PPP2R5C: variants seen among roughly 807,000 people sequenced by gnomAD.
PPP2R5C encodes the protein serine/threonine-protein phosphatase 2A 56 kDa regulatory subunit gamma isoform.
Under a neutral mutation model 68.9 loss-of-function variants are expected in PPP2R5C, and 7 were observed. The ratio of observed to expected loss-of-function variants is 0.10; its 90% CI spans 0.06 to 0.19. The LOEUF is 0.19. Ranked by LOEUF, PPP2R5C falls within the 10% of genes least tolerant of loss-of-function variation. The pLI is 1.00. For synonymous variants in PPP2R5C, 210 were observed against 222.2 expected (o/e 0.95, Z 0.49); for missense variants, 348 against 641.3 (o/e 0.54, Z 4.94).
intron 2 of PPP2R5C, among the ~76,000 whole-genome samples, chr14:101,773,415 G>C (rs1198888347): frequency 1.3e-5 from 2 of 152,008 alleles, no homozygotes; most frequent in East Asian, 3.9e-4. Context: ...CCAAGCAGAT[G>C]ACATGAAAAG....
intron 1 of PPP2R5C, among the ~76,000 whole-genome samples, chr14:101,850,970 G>A (rs889716060): frequency 1.3e-5 from 2 of 152,154 alleles, no homozygotes; most frequent in Non-Finnish European, 2.9e-5. Context: ...TACTCGTTTT[G>A]TACTAAGAAT....
intron 3 of PPP2R5C, among the ~76,000 whole-genome samples, chr14:101,793,025 G>C (rs946701614): frequency 2.6e-5 from 4 of 151,988 alleles, no homozygotes; most frequent in Non-Finnish European, 5.9e-5. Context: ...TTACAGGCGT[G>C]TGCCACCATG....
intron 13 of PPP2R5C, among the ~76,000 whole-genome samples, chr14:101,923,956 T>C (rs2047149593): frequency 6.6e-6 from 1 of 152,268 alleles, no homozygotes; most frequent in Admixed American, 6.5e-5. Context: ...ACTTAAATTT[T>C]GTCTGCTAGA....
intron 1 of PPP2R5C, among the ~76,000 whole-genome samples, chr14:101,845,024 T>C (rs559170898): frequency 1.3e-5 from 2 of 152,190 alleles, no homozygotes; most frequent in Non-Finnish European, 2.9e-5. Flanking sequence ...CCCAAGGCTT[T>C]CTAGAACTAG....
upstream of PPP2R5C, among the ~76,000 whole-genome samples, chr14:101,761,505 A>G (rs1595090639): frequency 7.8e-6 from 1 of 127,590 alleles, no homozygotes; most frequent in African/African-American, 3.0e-5. Flanking sequence ...GGGTGGGGGG[A>G]GCGGGGAGCG....
At chr14:101,883,340 T>C in exon 4 of PPP2R5C, 2 of 1,603,580 alleles carry the variant, frequency 1.2e-6, no homozygotes, top group Non-Finnish European at 1.7e-6. Flanking sequence ...ATCAGAAGTT[T>C]GTATTGCAGG....
In PPP2R5C at chr14:101,916,700, GC is replaced by G. The variant is rs1215845981; in HGVS notation, c.1327-1130del. Among the ~76,000 whole-genome samples, 4 of 150,796 alleles carry G rather than the reference GC, an allele frequency of 2.7e-5. No homozygotes were observed. On this transcript the variant is annotated intron_variant, in intron 12 of 13. Transcript: ENST00000334743. This position sits in a 1 kb window ranked among gnomAD's most constrained non-coding sequence, Gnocchi z 5.5. ...GCTCTGGGCTGGCAGGGTGTGAGGG[GC>G]AGGGGTGAGGGGGCAGGGGGTGAGA...
At chr14:101,836,159 T>C (rs2041082705) in intron 1 of PPP2R5C, 1 of 689,494 alleles carries the variant, frequency 1.5e-6, no homozygotes, top group African/African-American at 1.8e-5. Flanking sequence ...AAAGGTTTTT[T>C]TTTTTGCAGT....
At chr14:101,892,350 G>T (rs2448233) in intron 6 of PPP2R5C, among the ~76,000 whole-genome samples, 48,108 of 143,686 alleles carry the variant, frequency 0.33, 11,937 homozygotes, top group African/African-American at 0.71. Context: ...CAGCAAGAAT[G>T]CCTACCAGAT....
chr14:101,919,304 A>C (rs1242559918), intron 13 of PPP2R5C, among the ~76,000 whole-genome samples: 1 of 152,270 alleles, frequency 6.6e-6, no homozygotes. Context: ...AATACAGTGG[A>C]AAAGCTCACT....
chr14:101,839,443 A>C (rs1279350018), intron 1 of PPP2R5C: 1 of 152,038 alleles, frequency 6.6e-6, no homozygotes, highest in Non-Finnish European at 1.5e-5. Context: ...ACTTCCTGCC[A>C]GTCCTCTTCT....
intron 2 of PPP2R5C, among the ~76,000 whole-genome samples, chr14:101,871,791 A>G (rs1301981197): frequency 6.6e-6 from 1 of 151,872 alleles, no homozygotes; most frequent in African/African-American, 2.4e-5. Context: ...TTTGATTTTA[A>G]TTGTTAGTCT....
chr14:101,811,086 C>G (rs1297100598), intron 1 of PPP2R5C, among the ~76,000 whole-genome samples: 6 of 152,102 alleles, frequency 3.9e-5, no homozygotes, highest in Non-Finnish European at 8.8e-5. Context: ...TTTTCAGATC[C>G]TAGGGTGTAC....
intron 1 of PPP2R5C, among the ~76,000 whole-genome samples, chr14:101,823,435 C>G (rs1026617765): frequency 2.0e-5 from 3 of 152,168 alleles, no homozygotes; most frequent in African/African-American, 7.2e-5. Context: ...AACAAGAATC[C>G]TAGAAGACCA....
intron 3 of PPP2R5C, among the ~76,000 whole-genome samples, chr14:101,801,657 A>G (rs886510830): frequency 6.6e-6 from 1 of 152,252 alleles, no homozygotes; most frequent in Non-Finnish European, 1.5e-5. Context: ...GCACACTGCA[A>G]ACTATGAAAT....
At chr14:101,918,814 T>G (rs1361366735) in intron 13 of PPP2R5C, among the ~76,000 whole-genome samples, 2 of 148,954 alleles carry the variant, frequency 1.3e-5, no homozygotes, top group Non-Finnish European at 3.0e-5. Context: ...CTGCCGTGTT[T>G]CCCTGAGCGT....
intron 3 of PPP2R5C, among the ~76,000 whole-genome samples, chr14:101,794,392 G>A (rs2038512596): frequency 6.6e-6 from 1 of 152,174 alleles, no homozygotes; most frequent in South Asian, 2.1e-4. Context: ...AGAAACAGCT[G>A]TTGACTTTAT....
At position 101,879,553 on chromosome 14, in the gene PPP2R5C, G is replaced by A. The variant is rs990766763; in HGVS notation, c.295-2608G>A. Among the ~76,000 whole-genome samples, 1 of 152,180 alleles carries A rather than the reference G, an allele frequency of 6.6e-6. No homozygotes were observed. The highest frequency in any genetic ancestry group is 2.4e-5 in the African/African-American group (1 of 41,436). ...TTCCCAGAGTCTCCTGCCAGGCATA[G>A]TCCTGTTCACAGATTCCTCTGCCAC... On this transcript the variant is annotated intron_variant, in intron 2 of 13. Coordinates refer to ENST00000334743, the Ensembl canonical transcript of PPP2R5C. This position sits in a 1 kb window ranked among gnomAD's most constrained non-coding sequence, Gnocchi z 4.2.
intron 2 of PPP2R5C, among the ~76,000 whole-genome samples, chr14:101,862,437 CAG>C (rs975828903): frequency 1.3e-5 from 2 of 152,326 alleles, no homozygotes; most frequent in African/African-American, 4.8e-5. Flanking sequence ...GAGAGCCATT[CAG>C]AGTGCGCGAT....
Sources: allele counts gnomAD v4.1 joint callset (sites outside exome capture counted in the v4.1 genomes callset), GRCh38; gene constraint gnomAD v4.1.1; non-coding constraint Gnocchi (gnomAD v3.1); transcripts MANE v1.5; gene names NCBI Gene and HGNC (gene_info 2026-07-23, HGNC 2026-07-21).